The following PCDH9 variants were observed in gnomAD, a reference collection of about 807,000 sequenced individuals.
The protein encoded by PCDH9 is protocadherin 9, also known as protocadherin-9.
PCDH9 carries 24 observed loss-of-function variants against 70.6 expected under a neutral mutation model. The ratio of observed to expected loss-of-function variants is 0.34; its 90% CI spans 0.25 to 0.48. The LOEUF is 0.48. PCDH9 is among the 20% of genes least tolerant of loss of function. The pLI is 0.99. For missense variants in PCDH9, 1,281 were observed against 1,503.6 expected (o/e 0.85, Z 2.45); for synonymous variants, 562 against 558.5 (o/e 1.01, Z -0.09).
At chr13:66,539,752 C>T (rs1443897033) in intron 4 of PCDH9, among the ~76,000 whole-genome samples, 1 of 151,880 alleles carries the variant, frequency 6.6e-6, no homozygotes, top group Admixed American at 6.6e-5. Context: ...AAAAGCTTAA[C>T]ATTTACAATT....
chr13:66,701,302 T>A (rs1256402183), intron 3 of PCDH9, among the ~76,000 whole-genome samples: 2 of 151,810 alleles, frequency 1.3e-5, no homozygotes, highest in Non-Finnish European at 2.9e-5. Context: ...CACACACATA[T>A]GTGGGGGTGT....
chr13:66,884,963 T>A (rs1181580034), intron 3 of PCDH9, among the ~76,000 whole-genome samples: 1 of 152,220 alleles, frequency 6.6e-6, no homozygotes, highest in East Asian at 1.9e-4. Context: ...ATTTCTGGTT[T>A]ACAAATTCAT....
intron 3 of PCDH9, among the ~76,000 whole-genome samples, chr13:66,895,455 C>T (rs1203221932): frequency 6.6e-6 from 1 of 152,206 alleles, no homozygotes; most frequent in East Asian, 1.9e-4. Context: ...CTCAGGGTGT[C>T]TCCAATATCC....
intron 4 of PCDH9, among the ~76,000 whole-genome samples, chr13:66,524,576 C>T (rs901332910): frequency 6.6e-6 from 1 of 151,970 alleles, no homozygotes; most frequent in Non-Finnish European, 1.5e-5. Flanking sequence ...TTAATAATAA[C>T]ATAATTTGGA....
intron 4 of PCDH9, among the ~76,000 whole-genome samples, chr13:66,465,688 A>C (rs1315334678): frequency 6.6e-6 from 1 of 152,006 alleles, no homozygotes; most frequent in Admixed American, 6.6e-5. Flanking sequence ...CAGTTTTCTC[A>C]TTTTTGAAAT....
At chr13:67,219,080 T>C (rs1262085538) in intron 2 of PCDH9, 1 of 152,070 alleles carries the variant, frequency 6.6e-6, no homozygotes, top group Non-Finnish European at 1.5e-5. Context: ...ACTATTCTTG[T>C]CTATCAGAGA....
At chr13:66,607,562 T>G (rs144191606) in intron 4 of PCDH9, among the ~76,000 whole-genome samples, 2 of 152,186 alleles carry the variant, frequency 1.3e-5, no homozygotes, top group Non-Finnish European at 2.9e-5. Flanking sequence ...TAGTATTAAT[T>G]TCTCTCCTTC....
intron 3 of PCDH9, among the ~76,000 whole-genome samples, chr13:66,676,312 T>C (rs2078241893): frequency 6.6e-6 from 1 of 152,142 alleles, no homozygotes; most frequent in South Asian, 2.1e-4. Flanking sequence ...ACAAAAGAGA[T>C]AATTGTAATT....
intron 4 of PCDH9, among the ~76,000 whole-genome samples, chr13:66,471,854 T>A (rs1189709367): frequency 6.6e-6 from 1 of 152,148 alleles, no homozygotes; most frequent in Non-Finnish European, 1.5e-5. Flanking sequence ...GATTTTCCAA[T>A]ATCTGGGTTA....
At chr13:66,351,176 C>T (rs915317349) in intron 4 of PCDH9, among the ~76,000 whole-genome samples, 3 of 152,040 alleles carry the variant, frequency 2.0e-5, no homozygotes, top group African/African-American at 7.2e-5. Context: ...TTTCTACAAC[C>T]CCATAATTTA....
intron 4 of PCDH9, among the ~76,000 whole-genome samples, chr13:66,596,877 CTT>C (rs1328436866): frequency 2.9e-5 from 4 of 136,426 alleles, no homozygotes; most frequent in East Asian, 2.1e-4. Context: ...CATGGCTATT[CTT>C]TTTTTTTTTT....
At position 66,444,257 on chromosome 13, in the gene PCDH9, T is replaced by C. The variant is rs439932; in HGVS notation, c.3341-139229A>G. On this transcript the variant is annotated intron_variant, in intron 4 of 4. Transcript: ENST00000377865. The stretch of plus-strand genomic sequence containing the variant: ...CTGAGAGGATTAATAATAATTCCTT[T>C]TGATCAGAATTACTCTGTTGGCCAG... Among the ~76,000 whole-genome samples, 540 of 152,328 alleles carry C rather than the reference T, an allele frequency of 3.5e-3. 2 individuals are homozygous for C. The highest frequency in any genetic ancestry group is 0.012 in the African/African-American group (515 of 41,578).
intron 3 of PCDH9, among the ~76,000 whole-genome samples, chr13:66,648,913 T>C (rs531286000): frequency 2.0e-5 from 3 of 152,130 alleles, no homozygotes; most frequent in African/African-American, 7.2e-5. Flanking sequence ...CATAATGCAA[T>C]TGACATACTA....
At chr13:67,126,433 G>A (rs948836262) in intron 2 of PCDH9, among the ~76,000 whole-genome samples, 3 of 152,078 alleles carry the variant, frequency 2.0e-5, no homozygotes, top group African/African-American at 7.2e-5. Context: ...AATACTTCAC[G>A]AAGGTCTGTT....
At chr13:66,921,137 G>T (rs1371482084) in intron 2 of PCDH9, among the ~76,000 whole-genome samples, 4 of 151,000 alleles carry the variant, frequency 2.6e-5, no homozygotes, top group Non-Finnish European at 5.9e-5. Context: ...CTACCTACAA[G>T]ACTGAATCTA....
At chr13:66,912,135 C>T (rs901707091) in intron 2 of PCDH9, among the ~76,000 whole-genome samples, 8 of 152,064 alleles carry the variant, frequency 5.3e-5, no homozygotes, top group Admixed American at 2.0e-4. Context: ...TGGAGAGGTC[C>T]TGTTTTAAAA....
chr13:66,970,885 C>T (rs557596008), intron 2 of PCDH9, among the ~76,000 whole-genome samples: 1 of 152,058 alleles, frequency 6.6e-6, no homozygotes, highest in East Asian at 1.9e-4. Context: ...TAACCTATAT[C>T]GAATTCTTAT....
chr13:66,926,467 T>C (rs1183697366), intron 2 of PCDH9, among the ~76,000 whole-genome samples: 2 of 152,070 alleles, frequency 1.3e-5, no homozygotes, highest in Non-Finnish European at 2.9e-5. Flanking sequence ...TTTTCACTTG[T>C]AAGCTTTGTG....
intron 4 of PCDH9, among the ~76,000 whole-genome samples, chr13:66,542,218 G>A (rs1375513694): frequency 1.3e-5 from 2 of 151,946 alleles, no homozygotes; most frequent in African/African-American, 4.8e-5. Context: ...ATTTCCACTA[G>A]TGACCTAATG....
Sources: allele counts gnomAD v4.1 joint callset (sites outside exome capture counted in the v4.1 genomes callset), GRCh38; gene constraint gnomAD v4.1.1; transcripts MANE v1.5; gene names NCBI Gene and HGNC (gene_info 2026-07-23, HGNC 2026-07-21).